The following LEF1 variants were observed in gnomAD, a reference collection of about 807,000 sequenced individuals.
LEF1 encodes the protein lymphoid enhancer-binding factor 1.
A neutral mutation model predicts 51.2 loss-of-function variants in LEF1; 14 were observed. The ratio of observed to expected loss-of-function variants is 0.27; its 90% CI spans 0.18 to 0.43. The LOEUF (loss-of-function observed/expected upper bound fraction) is 0.43. Among genes scored for constraint, LEF1 ranks in the 20% least tolerant of loss-of-function variants. The pLI is 1.00. For missense variants in LEF1, 386 were observed against 512.0 expected (o/e 0.75, Z 2.37); for synonymous variants, 185 against 183.2 (o/e 1.01, Z -0.08).
chr4:108,135,686 A>C (rs915538342), intron 3 of LEF1, among the ~76,000 whole-genome samples: 2 of 152,168 alleles, frequency 1.3e-5, no homozygotes, highest in Non-Finnish European at 2.9e-5. Context: ...GGGGTAAGGA[A>C]GCTGGCTGAG....
chr4:108,144,064 G>C (rs905749799), intron 3 of LEF1, among the ~76,000 whole-genome samples: 6 of 152,084 alleles, frequency 3.9e-5, no homozygotes, highest in Non-Finnish European at 8.8e-5. Flanking sequence ...GGTGAGGAGT[G>C]GGGGAAGCAA....
At chr4:108,157,279 C>A (rs865981052) in intron 3 of LEF1, among the ~76,000 whole-genome samples, 5 of 151,336 alleles carry the variant, frequency 3.3e-5, no homozygotes, top group Admixed American at 2.0e-4. Context: ...GGGCTCACTG[C>A]AACCTCAGAC....
chr4:108,092,838 T>C (rs1740110554), intron 3 of LEF1, among the ~76,000 whole-genome samples: 1 of 147,422 alleles, frequency 6.8e-6, no homozygotes, highest in African/African-American at 2.5e-5. Context: ...ATAAGGTCTC[T>C]AATTCTCGCA....
At chr4:108,064,283 A>G (rs1737901468) in intron 10 of LEF1, 53 bp downstream of exon 10, 1 of 1,287,754 alleles carries the variant, frequency 7.8e-7, no homozygotes, top group Admixed American at 1.7e-5. Flanking sequence ...AACTGCCTTA[A>G]AAGGTGTTTG....
chr4:108,091,120 T>C (rs1162028758), intron 3 of LEF1, among the ~76,000 whole-genome samples: 1 of 152,152 alleles, frequency 6.6e-6, no homozygotes, highest in Non-Finnish European at 1.5e-5. Context: ...GCATGTGAAA[T>C]CAGTTTTCTC....
chr4:108,116,177 G>A (rs985259495), intron 3 of LEF1, among the ~76,000 whole-genome samples: 5 of 152,086 alleles, frequency 3.3e-5, no homozygotes, highest in Admixed American at 6.6e-5. Context: ...AAAAGGGCAG[G>A]GGGACATGAG....
intron 11 of LEF1, among the ~76,000 whole-genome samples, chr4:108,053,728 G>A (rs1737151761): frequency 6.6e-6 from 1 of 152,174 alleles, no homozygotes. Flanking sequence ...CAGACCTCCT[G>A]GTGCAGGTCA....
chr4:108,167,351 T>TACACACACACAC lies in LEF1; in HGVS notation c.213+192_213+203dup, dbSNP rs35000095. ...TACCCTGCCCCTCTACCTCCCATCC[T>TACACACACACAC]ACACACACACACACACACACACACA... On this transcript the variant is annotated intron_variant, in intron 1 of 11. Coordinates refer to ENST00000265165, the MANE Select transcript of LEF1 (RefSeq NM_016269.5). This position sits in a 1 kb window ranked among gnomAD's most constrained non-coding sequence, Gnocchi z 5.7. Among the ~76,000 whole-genome samples, 14 of 131,770 alleles carry TACACACACACAC rather than the reference T, an allele frequency of 1.1e-4. No individual in the cohort carries two copies. Among genetic ancestry groups the TACACACACACAC allele is most frequent in the East Asian group, 2.3e-4 (1 of 4,278 alleles). 86.4% of individuals were successfully genotyped at this position (131,770 alleles called of 152,430 possible). A position where few individuals can be genotyped will look rare whatever the true frequency, so the allele number is the denominator to read the frequency against.
intron 9 of LEF1, among the ~76,000 whole-genome samples, chr4:108,064,741 T>A (rs116386547): frequency 0.027 from 4,125 of 151,128 alleles, 72 homozygotes; most frequent in Non-Finnish European, 0.043. Flanking sequence ...TCTCTCTCTC[T>A]CACACATACA....
At chr4:108,166,154 C>G in intron 1 of LEF1, 2 of 938,614 alleles carry the variant, frequency 2.1e-6, no homozygotes, top group Non-Finnish European at 3.0e-6. Flanking sequence ...AAATCTTTTA[C>G]GCGGGGTTAG....
intron 3 of LEF1, among the ~76,000 whole-genome samples, chr4:108,155,020 C>T (rs2110403894): frequency 6.6e-6 from 1 of 152,082 alleles, no homozygotes; most frequent in Non-Finnish European, 1.5e-5. Flanking sequence ...AAAATTTAAG[C>T]CAGAAGGAAA....
At chr4:108,134,675 T>C (rs1421329379) in intron 3 of LEF1, among the ~76,000 whole-genome samples, 1 of 152,252 alleles carries the variant, frequency 6.6e-6, no homozygotes, top group Non-Finnish European at 1.5e-5. Flanking sequence ...GCACATCTGA[T>C]GGTTTGCATG....
In LEF1 at chr4:108,149,680, C is replaced by A. The variant is rs910365349; in HGVS notation, c.414+13888G>T. The stretch of plus-strand genomic sequence containing the variant: ...ATATATATATATAACTGGATACTAT[C>A]CAGCCATTACAACTGATGACACAGA... On this transcript the variant is annotated intron_variant, in intron 3 of 11. Transcript: ENST00000265165. Among the ~76,000 whole-genome samples the A allele has an allele frequency of 2.0e-5, 3 of 147,854 alleles. No homozygotes were observed. In the Admixed American group the frequency reaches 2.0e-4, roughly 10 times the overall value.
chr4:108,128,243 T>G (rs1183052278), intron 3 of LEF1, among the ~76,000 whole-genome samples: 1 of 152,132 alleles, frequency 6.6e-6, no homozygotes, highest in Non-Finnish European at 1.5e-5. Context: ...ATTTTACTAG[T>G]GGCAGCAGAG....
intron 4 of LEF1, among the ~76,000 whole-genome samples, 172 bp downstream of exon 4, chr4:108,088,953 T>C (rs1739827785): frequency 6.6e-6 from 1 of 152,312 alleles, no homozygotes; most frequent in East Asian, 1.9e-4. Context: ...TGTAACAGAT[T>C]CTTGTGTGTT....
At chr4:108,069,920 C>G (rs534635234) in intron 9 of LEF1, among the ~76,000 whole-genome samples, 116 of 149,138 alleles carry the variant, frequency 7.8e-4, no homozygotes, top group Non-Finnish European at 1.4e-3. Flanking sequence ...ATCATGCCAC[C>G]GCACTCCAGC....
intron 3 of LEF1, among the ~76,000 whole-genome samples, chr4:108,120,631 C>T (rs1034095021): frequency 6.6e-6 from 1 of 152,172 alleles, no homozygotes; most frequent in Non-Finnish European, 1.5e-5. Context: ...CTATCAAAGT[C>T]CTACACTTTG....
intron 3 of LEF1, among the ~76,000 whole-genome samples, chr4:108,097,555 G>A (rs990333450): frequency 6.6e-6 from 1 of 152,118 alleles, no homozygotes; most frequent in African/African-American, 2.4e-5. Flanking sequence ...TTTATCGTAA[G>A]TTTTAAAATA....
intron 1 of LEF1, among the ~76,000 whole-genome samples, chr4:108,165,810 T>C (rs1257055317): frequency 1.3e-5 from 2 of 152,218 alleles, no homozygotes; most frequent in African/African-American, 4.8e-5. Flanking sequence ...CCAGTTGATA[T>C]CAGTTTTGGT....
Sources: gnomAD v4.1 joint callset for allele counts (sites outside exome capture counted in the v4.1 genomes callset) on GRCh38, gnomAD v4.1.1 for gene constraint, Gnocchi (gnomAD v3.1) non-coding constraint, MANE v1.5 for transcripts, NCBI Gene and HGNC (gene_info 2026-07-23, HGNC 2026-07-21) for gene names.